PPP6R2: variants seen among roughly 807,000 people sequenced by gnomAD.
The protein encoded by PPP6R2 is protein phosphatase 6 regulatory subunit 2, also known as serine/threonine-protein phosphatase 6 regulatory subunit 2.
A neutral mutation model predicts 100.2 loss-of-function variants in PPP6R2; 62 were observed. The ratio of observed to expected loss-of-function variants is 0.62; its 90% CI spans 0.50 to 0.76. The LOEUF is 0.76. Ranked by LOEUF, PPP6R2 falls within the 30% of genes least tolerant of loss-of-function variation. PPP6R2 has a pLI of 0.00. For synonymous variants in PPP6R2, 525 were observed against 514.7 expected, an observed-to-expected ratio of 1.02 and a Z score of -0.27; for missense variants, 1,142 against 1,276.3, an observed-to-expected ratio of 0.89 and a Z score of 1.60.
intron 1 of PPP6R2, among the ~76,000 whole-genome samples, chr22:50,355,917 A>G (rs1178302390): frequency 1.7e-4 from 25 of 151,022 alleles, no homozygotes; most frequent in Admixed American, 1.5e-3. Context: ...ATAATTGTAT[A>G]TATTTATGGG....
rs1569495088 is a variant in PPP6R2 at position 50,438,741 on chromosome 22, C to CG, written c.2107_2108insG (p.Pro703ArgfsTer5). 6.2e-7 allele frequency: 1 copy of CG among 1,601,256 alleles called. No individual in the cohort carries two copies. Among genetic ancestry groups the CG allele is most frequent in the Non-Finnish European group, 8.5e-7 (1 of 1,174,262 alleles). ...GGCCCCCGGGAAGAAGGAAGCGCCC[C>CG]CTGTGGAGGGTGACTCAGAAGGTGG... On this transcript the variant is annotated frameshift_variant, in exon 19 of 24. Transcript: ENST00000612753. LOFTEE classifies it high-confidence loss of function.
intron 1 of PPP6R2, among the ~76,000 whole-genome samples, chr22:50,364,252 T>G (rs1443874984): frequency 6.6e-6 from 1 of 152,152 alleles, no homozygotes; most frequent in Non-Finnish European, 1.5e-5. Flanking sequence ...AAAAGGACCC[T>G]GTATAAATGG....
chr22:50,338,336 T>C (rs1601852333), upstream of PPP6R2, among the ~76,000 whole-genome samples: 1 of 137,420 alleles, frequency 7.3e-6, no homozygotes, highest in Admixed American at 7.3e-5. Context: ...GTGTGTGGTA[T>C]ATGTAGTGTG....
intron 11 of PPP6R2, among the ~76,000 whole-genome samples, 161 bp from the exon 12 acceptor site, chr22:50,432,104 G>A (rs1377160817): frequency 6.6e-6 from 1 of 152,190 alleles, no homozygotes; most frequent in African/African-American, 2.4e-5. Context: ...GGTGTTTGGT[G>A]AGGACCGCGG....
At position 50,349,526 on chromosome 22, in the gene PPP6R2, C is replaced by T. The variant is rs931877947; in HGVS notation, c.-148+5976C>T. Among the ~76,000 whole-genome samples the T allele has an allele frequency of 2.0e-5, 3 of 151,728 alleles. No individual in the cohort carries two copies. In the East Asian group the frequency reaches 5.9e-4, roughly 30 times the overall value. ...TCTGCCAAAAATAAATAAAAGCACACCCACAAAAGCAGAATGTGGCCAGGC... is the reference window on the plus strand; with the variant it reads ...TCTGCCAAAAATAAATAAAAGCACATCCACAAAAGCAGAATGTGGCCAGGC... On this transcript the variant is annotated intron_variant, in intron 1 of 23. Coordinates refer to ENST00000612753, the MANE Select transcript of PPP6R2 (RefSeq NM_001242898.2).
intron 2 of PPP6R2, among the ~76,000 whole-genome samples, chr22:50,375,582 C>A (rs2051323055): frequency 6.6e-6 from 1 of 152,088 alleles, no homozygotes; most frequent in African/African-American, 2.4e-5. Flanking sequence ...CCGTTCCTTG[C>A]CCTCATCTGG....
intron 1 of PPP6R2, among the ~76,000 whole-genome samples, chr22:50,357,892 G>A (rs990644199): frequency 6.6e-6 from 1 of 151,784 alleles, no homozygotes; most frequent in East Asian, 1.9e-4. Flanking sequence ...CCAAAGTGCC[G>A]GGATTACAGG....
chr22:50,423,990 G>A lies in PPP6R2; in HGVS notation c.1125+376G>A, dbSNP rs767530891. Among the ~76,000 whole-genome samples, 29 of 152,232 alleles carry A rather than the reference G, an allele frequency of 1.9e-4. No homozygotes were observed. The highest frequency in any genetic ancestry group is 4.1e-4 in the South Asian group (2 of 4,830). On this transcript the variant is annotated intron_variant, in intron 10 of 23. Coordinates refer to ENST00000612753, the MANE Select transcript of PPP6R2 (RefSeq NM_001242898.2). The surrounding 1 kb of genome is among the most constrained non-coding windows in gnomAD (Gnocchi z 4.8). ...AATGGCTAAAAGAGAAGCTCCTGTC[G>A]TCCACAGTAGAAGGCCAACCTGGCA...
rs1002289872 is a variant in PPP6R2, at chr22:50,437,055, T to G, written c.1670T>G (p.Leu557Arg). The change falls in exon 15 of 24, where the codon CTG (leucine) becomes CGG (arginine). Residue 557 changes from leucine (L) to arginine (R), a missense_variant. Leu to Arg is a moderately radical substitution (Grantham distance 102, BLOSUM62 -2). This residue lies in a region of PPP6R2 where 592 missense variants were observed against 758.9 expected (regional missense o/e 0.78). Coordinates refer to ENST00000612753, the MANE Select transcript of PPP6R2 (RefSeq NM_001242898.2). The stretch of plus-strand genomic sequence containing the variant: ...ATTGAGGGTGCTTTCCCTAACGAGC[T>G]GTCCCTTCAGCAGGTGAGGGCGTGG... ...EDIEGAFPNE[L>R]SLQQAFSDYQ... 2 of 1,560,890 alleles carry G rather than the reference T, an allele frequency of 1.3e-6. No individual in the cohort carries two copies. Among genetic ancestry groups the G allele is most frequent in the African/African-American group, 2.7e-5 (2 of 73,562 alleles).
At chr22:50,388,355 C>G (rs1294967718) in intron 2 of PPP6R2, among the ~76,000 whole-genome samples, 1 of 148,120 alleles carries the variant, frequency 6.8e-6, no homozygotes. Flanking sequence ...AATCCCACCA[C>G]TACACTCCAG....
intron 1 of PPP6R2, among the ~76,000 whole-genome samples, chr22:50,354,464 G>A (rs536725352): frequency 1.6e-4 from 25 of 152,208 alleles, no homozygotes; most frequent in African/African-American, 5.5e-4. Flanking sequence ...ACAAGTTTTG[G>A]ATTGGAGTGC....
chr22:50,414,331 G>GCGGGGGGGGCC, intron 4 of PPP6R2, among the ~76,000 whole-genome samples: 1 of 26,800 alleles, frequency 3.7e-5, no homozygotes, highest in East Asian at 6.1e-4. Context: ...CTGTGCAGTG[G>GCGGGGGGGGCC]CCCCCCCCCC....
At chr22:50,358,044 G>A (rs967843318) in intron 1 of PPP6R2, among the ~76,000 whole-genome samples, 4 of 151,380 alleles carry the variant, frequency 2.6e-5, no homozygotes, top group Admixed American at 1.3e-4. Context: ...TTTGACCTTC[G>A]GAAGCAATCC....
intron 1 of PPP6R2, among the ~76,000 whole-genome samples, chr22:50,368,283 C>T (rs914644225): frequency 3.3e-5 from 5 of 152,130 alleles, no homozygotes; most frequent in Non-Finnish European, 7.3e-5. Context: ...TTCTGTCGCT[C>T]GCCCAGGAAA....
At chr22:50,402,003 A>G (rs1302329710) in intron 3 of PPP6R2, among the ~76,000 whole-genome samples, 1 of 152,174 alleles carries the variant, frequency 6.6e-6, no homozygotes, top group Admixed American at 6.5e-5. Context: ...GTTCTCATTC[A>G]TGGATACACA....
At chr22:50,355,440 G>A (rs2148192700) in intron 1 of PPP6R2, among the ~76,000 whole-genome samples, 1 of 151,328 alleles carries the variant, frequency 6.6e-6, no homozygotes, top group East Asian at 2.0e-4. Flanking sequence ...GGGTTTCACT[G>A]TGGTCTCGAT....
At chr22:50,442,103 C>G (rs1241685127) in intron 22 of PPP6R2, among the ~76,000 whole-genome samples, 2 of 152,192 alleles carry the variant, frequency 1.3e-5, no homozygotes, top group Non-Finnish European at 2.9e-5. Context: ...AAGGGCCTGC[C>G]TGGAGCGGGG....
At chr22:50,418,140 T>G (rs1280299147) in intron 6 of PPP6R2, among the ~76,000 whole-genome samples, 1 of 152,212 alleles carries the variant, frequency 6.6e-6, no homozygotes, top group Admixed American at 6.5e-5. Context: ...ATCAGTAACA[T>G]GGCCACATAT....
intron 3 of PPP6R2, among the ~76,000 whole-genome samples, chr22:50,394,511 A>G (rs2056329196): frequency 6.7e-6 from 1 of 149,218 alleles, no homozygotes. Flanking sequence ...AGGTAGGAGG[A>G]TCACTTGAAC....
Sources: gnomAD v4.1 joint callset for allele counts (sites outside exome capture counted in the v4.1 genomes callset) on GRCh38, gnomAD v4.1.1 for gene constraint, gnomAD v4.1.1 regional missense constraint, Gnocchi (gnomAD v3.1) non-coding constraint, MANE v1.5 for transcripts, NCBI Gene and HGNC (gene_info 2026-07-23, HGNC 2026-07-21) for gene names.